STXBP5L: variants seen among roughly 807,000 people sequenced by gnomAD.
The protein encoded by STXBP5L is syntaxin binding protein 5L.
STXBP5L carries 65 observed loss-of-function variants against 144.5 expected under a neutral mutation model. The observed-to-expected ratio is 0.45, with a 90% CI of 0.37 to 0.55. The LOEUF is 0.55. STXBP5L is among the 20% of genes least tolerant of loss of function. STXBP5L has a pLI of 0.00. For missense variants in STXBP5L, 1,298 were observed against 1,405.5 expected, an observed-to-expected ratio of 0.92 and a Z score of 1.22; for synonymous variants, 505 against 469.6, an observed-to-expected ratio of 1.08 and a Z score of -0.97.
At chr3:121,066,570 C>A (rs954123149) in intron 5 of STXBP5L, among the ~76,000 whole-genome samples, 1 of 151,740 alleles carries the variant, frequency 6.6e-6, no homozygotes, top group African/African-American at 2.4e-5. Flanking sequence ...ACAAATTTTG[C>A]GATGTATTAG....
chr3:120,970,596 G>A (rs529651054), intron 3 of STXBP5L, among the ~76,000 whole-genome samples: 2 of 152,156 alleles, frequency 1.3e-5, no homozygotes, highest in Non-Finnish European at 2.9e-5. Flanking sequence ...GTTGCTTTGA[G>A]TATCCTGTCT....
chr3:120,978,506 C>T (rs991361120), intron 3 of STXBP5L, among the ~76,000 whole-genome samples: 33 of 152,138 alleles, frequency 2.2e-4, no homozygotes, highest in Non-Finnish European at 8.8e-5. Flanking sequence ...TCCTGTAGCT[C>T]GGAGTAGTTT....
At chr3:121,361,506 T>C (rs1485719018) in intron 20 of STXBP5L, among the ~76,000 whole-genome samples, 2 of 152,056 alleles carry the variant, frequency 1.3e-5, no homozygotes, top group African/African-American at 4.8e-5. Flanking sequence ...CTCTTCTGAT[T>C]ATGTATTTTA....
chr3:121,224,707 AGAGTAGAGTTGTT>A (rs1470017283), intron 11 of STXBP5L, among the ~76,000 whole-genome samples: 1 of 152,158 alleles, frequency 6.6e-6, no homozygotes, highest in African/African-American at 2.4e-5. Context: ...TGATTATGAG[AGAGTAGAGTTGTT>A]TAGGGAACAG....
chr3:121,345,184 C>T (rs923813021), intron 20 of STXBP5L, among the ~76,000 whole-genome samples: 2 of 151,874 alleles, frequency 1.3e-5, no homozygotes, highest in Admixed American at 6.6e-5. Context: ...GACAGGACCC[C>T]GTGTGTGATG....
chr3:120,962,919 C>T (rs1156750873), intron 3 of STXBP5L, among the ~76,000 whole-genome samples: 4 of 152,116 alleles, frequency 2.6e-5, no homozygotes, highest in African/African-American at 7.2e-5. Flanking sequence ...ATGGAATATT[C>T]TTCCATTTGT....
At chr3:120,979,079 G>A (rs1315050512) in intron 3 of STXBP5L, among the ~76,000 whole-genome samples, 1 of 152,218 alleles carries the variant, frequency 6.6e-6, no homozygotes, top group Non-Finnish European at 1.5e-5. Context: ...CTTCAAAGCT[G>A]TCAGACAGGG....
At chr3:120,973,870 A>C (rs947774727) in intron 3 of STXBP5L, among the ~76,000 whole-genome samples, 1 of 152,036 alleles carries the variant, frequency 6.6e-6, no homozygotes, top group East Asian at 1.9e-4. Context: ...AAGGACATGA[A>C]CTCATCCTTT....
chr3:120,978,323 C>T (rs572892185), intron 3 of STXBP5L, among the ~76,000 whole-genome samples: 3 of 152,320 alleles, frequency 2.0e-5, no homozygotes, highest in South Asian at 4.1e-4. Flanking sequence ...ACCCTTTCTT[C>T]CAGTTGTTCG....
intron 9 of STXBP5L, among the ~76,000 whole-genome samples, chr3:121,204,893 G>T (rs577935370): frequency 2.0e-4 from 30 of 152,168 alleles, no homozygotes; most frequent in African/African-American, 7.2e-4. Flanking sequence ...AAATCTTAGG[G>T]AGTCTAAACA....
chr3:121,182,427 TTAA>T (rs1369676978), intron 9 of STXBP5L, among the ~76,000 whole-genome samples: 1 of 152,168 alleles, frequency 6.6e-6, no homozygotes, highest in Non-Finnish European at 1.5e-5. Flanking sequence ...TATCTTTGGG[TTAA>T]TAAGGAAATC....
At chr3:120,944,103 T>C (rs1710716754) in intron 2 of STXBP5L, among the ~76,000 whole-genome samples, 1 of 151,558 alleles carries the variant, frequency 6.6e-6, no homozygotes, top group Admixed American at 6.6e-5. Flanking sequence ...GACTGAACAG[T>C]TAGGATTTTT....
chr3:121,330,114 G>A (rs2044276277), intron 20 of STXBP5L, among the ~76,000 whole-genome samples: 1 of 152,188 alleles, frequency 6.6e-6, no homozygotes, highest in Non-Finnish European at 1.5e-5. Context: ...GGGCAGACTG[G>A]GAGGGGCATG....
At chr3:120,931,457 G>C (rs1709931162) in intron 2 of STXBP5L, among the ~76,000 whole-genome samples, 1 of 151,510 alleles carries the variant, frequency 6.6e-6, no homozygotes, top group South Asian at 2.1e-4. Flanking sequence ...GGCTTTGTTT[G>C]ATGTTGGTTT....
Position 120,908,553 on chromosome 3 carries a change from C to T in STXBP5L, c.-9+219C>T, listed in dbSNP as rs532679097. On this transcript the variant is annotated intron_variant, in intron 1 of 26. Transcript: ENST00000471454. ...TGTGTTCTGGCTGGGAGCGCGAATG[C>T]CTCGGCGTGAGGTGTTTGTGTGTTC... 5.4e-3 allele frequency among the ~76,000 whole-genome samples: 814 copies of T among 151,888 alleles called. 5 individuals are homozygous for T. Among genetic ancestry groups the T allele is most frequent in the Non-Finnish European group, 9.2e-3 (627 of 67,872 alleles).
chr3:121,076,673 A>T (rs2042031706), intron 5 of STXBP5L, among the ~76,000 whole-genome samples: 1 of 151,894 alleles, frequency 6.6e-6, no homozygotes, highest in East Asian at 1.9e-4. Flanking sequence ...TGGCCACCCT[A>T]CCTTAAGAGA....
intron 3 of STXBP5L, among the ~76,000 whole-genome samples, chr3:121,018,501 G>A (rs1945301058): frequency 8.1e-6 from 1 of 123,784 alleles, no homozygotes. Context: ...AGTGATGCTG[G>A]AACAACTGGA....
In STXBP5L at chr3:121,418,350, G is replaced by T; in HGVS notation, c.3240G>T (p.Ser1080=). Residue 1080 remains serine, a synonymous_variant, in exon 26 of 27, where the codon TCG becomes TCT. Transcript: ENST00000471454. ...ATATATTCTCAGTTGGGGAAGCTTCGGCAGGAAAAGCATCCCGCAGCCTTG... is the reference window on the plus strand; with the variant it reads ...ATATATTCTCAGTTGGGGAAGCTTCTGCAGGAAAAGCATCCCGCAGCCTTG... ...FDREELFGEA[S]AGKASRSLAQ... The T allele has an allele frequency of 6.2e-7, 1 of 1,613,100 alleles. No individual in the cohort carries two copies. Among genetic ancestry groups the T allele is most frequent in the Non-Finnish European group, 8.5e-7 (1 of 1,179,442 alleles).
At chr3:121,029,313 G>T (rs1433670397) in intron 3 of STXBP5L, among the ~76,000 whole-genome samples, 1 of 152,066 alleles carries the variant, frequency 6.6e-6, no homozygotes, top group Non-Finnish European at 1.5e-5. Context: ...AAACAGCATG[G>T]TACTGGTAAC....
Sources: allele counts gnomAD v4.1 joint callset (sites outside exome capture counted in the v4.1 genomes callset), GRCh38; gene constraint gnomAD v4.1.1; transcripts MANE v1.5; gene names NCBI Gene and HGNC (gene_info 2026-07-23, HGNC 2026-07-21).